The following TMEM135 variants were observed in gnomAD, a reference collection of about 807,000 sequenced individuals.
TMEM135 encodes the protein peroxisomal membrane protein 52.
Under a neutral mutation model 60.3 loss-of-function variants are expected in TMEM135, and 30 were observed. The ratio of observed to expected loss-of-function variants is 0.50; its 90% CI spans 0.37 to 0.68. TMEM135 has a LOEUF of 0.68. TMEM135 is among the 30% of genes least tolerant of loss of function. TMEM135 has a pLI of 0.00. For missense variants in TMEM135, 468 were observed against 548.8 expected (o/e 0.85, Z 1.47); for synonymous variants, 190 against 186.7 (o/e 1.02, Z -0.14).
rs1942861255 is a variant in TMEM135 at position 87,323,445 on chromosome 11, T to C, written c.*2112T>C. 6.6e-6 allele frequency: 3 copies of C among 454,028 alleles called. No individual in the cohort carries two copies. Among genetic ancestry groups the C allele is most frequent in the Non-Finnish European group, 1.3e-5 (3 of 226,750 alleles). The allele number at this position is 454,028 out of a possible 1,614,324, so 28.1% of individuals were successfully genotyped here. A position where few individuals can be genotyped will look rare whatever the true frequency, so the allele number is the denominator to read the frequency against. On this transcript the variant is annotated 3_prime_UTR_variant, in exon 15 of 15. Coordinates refer to ENST00000305494, the MANE Select transcript of TMEM135 (RefSeq NM_022918.4). ...TGTTTTTGAAGACAATCAGAATGATTACCTTTCTACCTCTAACTAATCAGG... is the reference window on the plus strand; with the variant it reads ...TGTTTTTGAAGACAATCAGAATGATCACCTTTCTACCTCTAACTAATCAGG...
intron 4 of TMEM135, among the ~76,000 whole-genome samples, chr11:87,155,348 T>C (rs1938665248): frequency 1.3e-5 from 2 of 152,264 alleles, no homozygotes; most frequent in African/African-American, 4.8e-5. Flanking sequence ...CAAGAAATCA[T>C]TGTTAAATCT....
At chr11:87,174,627 G>A (rs1333889365) in intron 5 of TMEM135, among the ~76,000 whole-genome samples, 4 of 152,092 alleles carry the variant, frequency 2.6e-5, no homozygotes, top group Non-Finnish European at 5.9e-5. Flanking sequence ...AAAGGAAAGA[G>A]ATATGATATG....
chr11:87,183,135 A>ATT lies in TMEM135; in HGVS notation c.462+25753_462+25754dup, dbSNP rs772123636. ...AATTAACATGAGTTGGTAATCACTA[A>ATT]TTTTTTTTTTTTTTTTTTTTTTTTT... is the stretch of plus-strand genomic sequence containing the variant. On this transcript the variant is annotated intron_variant, in intron 5 of 14. Transcript: ENST00000305494. 8.3e-3 allele frequency among the ~76,000 whole-genome samples: 765 copies of ATT among 92,588 alleles called. 7 individuals carry two copies. Among genetic ancestry groups the ATT allele is most frequent in the Middle Eastern group, 0.016 (2 of 126 alleles). 60.7% of individuals were successfully genotyped at this position (92,588 alleles called of 152,430 possible).
At chr11:87,191,049 A>G (rs1487297884) in intron 5 of TMEM135, among the ~76,000 whole-genome samples, 1 of 152,154 alleles carries the variant, frequency 6.6e-6, no homozygotes, top group Non-Finnish European at 1.5e-5. Context: ...TCATTCACAT[A>G]GCCGTTGACA....
intron 3 of TMEM135, among the ~76,000 whole-genome samples, chr11:87,072,917 G>C (rs1856798013): frequency 6.6e-6 from 1 of 152,190 alleles, no homozygotes; most frequent in African/African-American, 2.4e-5. Context: ...ATCAAGAAAG[G>C]ATCATGTACT....
intron 4 of TMEM135, among the ~76,000 whole-genome samples, chr11:87,118,103 G>T (rs1419839655): frequency 6.6e-6 from 1 of 152,170 alleles, no homozygotes; most frequent in East Asian, 1.9e-4. Flanking sequence ...TGAGTAGCAG[G>T]TCTCAGCAGT....
chr11:87,081,652 TTC>T (rs1856994965), intron 3 of TMEM135, among the ~76,000 whole-genome samples: 1 of 151,212 alleles, frequency 6.6e-6, no homozygotes, highest in Non-Finnish European at 1.5e-5. Flanking sequence ...CTAGTTTATT[TTC>T]TGTTTTATTT....
chr11:87,096,739 A>G (rs952760237), intron 4 of TMEM135, among the ~76,000 whole-genome samples: 5 of 152,208 alleles, frequency 3.3e-5, no homozygotes, highest in Non-Finnish European at 7.3e-5. Flanking sequence ...GACAGGAGAT[A>G]AGTTGGATTT....
At chr11:87,080,567 C>A (rs1434784547) in intron 3 of TMEM135, among the ~76,000 whole-genome samples, 4 of 152,120 alleles carry the variant, frequency 2.6e-5, no homozygotes, top group Non-Finnish European at 5.9e-5. Context: ...TTGGTACATG[C>A]ACTTTTTTTT....
chr11:87,212,580 G>A (rs1940396252), intron 5 of TMEM135, among the ~76,000 whole-genome samples: 2 of 152,030 alleles, frequency 1.3e-5, no homozygotes, highest in African/African-American at 4.8e-5. Flanking sequence ...CCAGCACTTT[G>A]GGAGGCCGAG....
intron 7 of TMEM135, among the ~76,000 whole-genome samples, chr11:87,298,869 C>T (rs375299310): frequency 1.3e-5 from 2 of 150,950 alleles, no homozygotes; most frequent in Admixed American, 6.6e-5. Context: ...AGGTAGATCA[C>T]GAGGTCAGCA....
At chr11:87,039,176 C>T (rs562670059) in intron 1 of TMEM135, among the ~76,000 whole-genome samples, 8 of 152,294 alleles carry the variant, frequency 5.3e-5, no homozygotes, top group East Asian at 1.9e-4. Context: ...TGTGTCATGG[C>T]TGTATCTGTA....
At chr11:87,229,622 A>T (rs1940844878) in intron 5 of TMEM135, among the ~76,000 whole-genome samples, 1 of 152,194 alleles carries the variant, frequency 6.6e-6, no homozygotes, top group Admixed American at 6.5e-5. Flanking sequence ...ACCTCCAGAG[A>T]TGTTTACAAA....
intron 1 of TMEM135, among the ~76,000 whole-genome samples, chr11:87,059,116 T>A (rs1043688503): frequency 4.0e-5 from 6 of 151,804 alleles, no homozygotes; most frequent in Non-Finnish European, 2.9e-5. Context: ...TTTTGTATTT[T>A]TGTGGAGACG....
chr11:87,325,885 A>T lies in TMEM135; in HGVS notation c.*4552A>T, dbSNP rs989861543. 1 of 453,436 alleles carries T rather than the reference A, an allele frequency of 2.2e-6. No homozygotes were observed. Among genetic ancestry groups the T allele is most frequent in the Non-Finnish European group, 4.4e-6 (1 of 226,638 alleles). 28.1% of individuals were successfully genotyped at this position (453,436 alleles called of 1,614,324 possible). On this transcript the variant is annotated 3_prime_UTR_variant, in exon 15 of 15. Transcript: ENST00000305494. ...TTTCCTATTTTCTTTTACTTTCTCCATTTTTTTTCCATCTGTCCCTCCTAC... is the reference window on the plus strand; with the variant it reads ...TTTCCTATTTTCTTTTACTTTCTCCTTTTTTTTTCCATCTGTCCCTCCTAC...
intron 5 of TMEM135, among the ~76,000 whole-genome samples, chr11:87,170,491 ATGT>A (rs769319243): frequency 9.9e-5 from 15 of 151,758 alleles, no homozygotes; most frequent in African/African-American, 1.9e-4. Flanking sequence ...CTTTTTGTTG[ATGT>A]TGTTGTTACT....
intron 1 of TMEM135, among the ~76,000 whole-genome samples, chr11:87,055,835 C>T (rs1313982132): frequency 6.6e-6 from 1 of 152,100 alleles, no homozygotes; most frequent in African/African-American, 2.4e-5. Flanking sequence ...AGTGATCCAC[C>T]CGCCTCTGTT....
intron 5 of TMEM135, among the ~76,000 whole-genome samples, chr11:87,167,904 C>A (rs1433240775): frequency 1.3e-5 from 2 of 152,124 alleles, no homozygotes; most frequent in Non-Finnish European, 2.9e-5. Context: ...CTCTTTGTAC[C>A]TCTGGTAGAA....
Position 87,183,982 on chromosome 11 carries a change from C to T in TMEM135, c.462+26576C>T, listed in dbSNP as rs533718593. Among the ~76,000 whole-genome samples, 10 of 147,048 alleles carry T rather than the reference C, an allele frequency of 6.8e-5. No homozygotes were observed. The East Asian group carries it at 7.9e-4, about 12-fold the overall frequency. ...AAAAAAAAAAAAAAAAAAAAAAATC[C>T]GAGAGTTAAACGAATATTTACCTTT... On this transcript the variant is annotated intron_variant, in intron 5 of 14. Coordinates refer to ENST00000305494, the MANE Select transcript of TMEM135 (RefSeq NM_022918.4).
Sources: gnomAD v4.1 joint callset for allele counts (sites outside exome capture counted in the v4.1 genomes callset) on GRCh38, gnomAD v4.1.1 for gene constraint, MANE v1.5 for transcripts, NCBI Gene and HGNC (gene_info 2026-07-23, HGNC 2026-07-21) for gene names.